Variants in TRAPPC11 observed in about 807,000 individuals in gnomAD.
TRAPPC11 encodes the protein trafficking protein particle complex subunit 11, also known as foie gras homolog.
Under a neutral mutation model 151.2 loss-of-function variants are expected in TRAPPC11, and 104 were observed. The observed-to-expected ratio is 0.69, with a 90% CI of 0.59 to 0.81. The LOEUF (loss-of-function observed/expected upper bound fraction) is 0.81. Among genes scored for constraint, TRAPPC11 ranks in the 30% least tolerant of loss-of-function variants. The pLI, the probability that TRAPPC11 is intolerant of heterozygous loss-of-function variation, is 0.00. For missense variants in TRAPPC11, 1,230 were observed against 1,349.6 expected (o/e 0.91, Z 1.39); for synonymous variants, 456 against 472.3 (o/e 0.97, Z 0.45).
At chr4:183,677,615 A>G in intron 8 of TRAPPC11, 61 bp downstream of exon 8, 1 of 954,452 alleles carries the variant, frequency 1.0e-6, no homozygotes. Context: ...ATCTTTTTAA[A>G]ATTTGAACAT....
intron 18 of TRAPPC11, among the ~76,000 whole-genome samples, chr4:183,690,316 A>G (rs1008033848): frequency 1.2e-4 from 18 of 152,188 alleles, no homozygotes; most frequent in African/African-American, 3.4e-4. Flanking sequence ...AAGAATTTCT[A>G]TGAAGGTAAT....
Position 183,706,793 on chromosome 4 carries a change from A to G in TRAPPC11, c.3056-14A>G. 6.2e-7 allele frequency: 1 copy of G among 1,606,006 alleles called. No homozygotes were observed. The highest frequency in any genetic ancestry group is 8.5e-7 in the Non-Finnish European group (1 of 1,175,032). ...TTTTTTAAACCAAGAGAAGTGTGTC[A>G]TCTTTCTCTGTAGATCTGCCGTCAT... On this transcript the variant is annotated splice_polypyrimidine_tract_variant and intron_variant, in intron 27 of 29. Coordinates refer to ENST00000334690, the MANE Select transcript of TRAPPC11 (RefSeq NM_021942.6).
intron 18 of TRAPPC11, among the ~76,000 whole-genome samples, chr4:183,687,051 C>T (rs1736013378): frequency 2.0e-5 from 3 of 152,012 alleles, no homozygotes; most frequent in Non-Finnish European, 4.4e-5. Flanking sequence ...TGTGGTGGCA[C>T]GTGCCTGTAG....
At chr4:183,703,333 A>G (rs939213713) in intron 26 of TRAPPC11, among the ~76,000 whole-genome samples, 1 of 152,232 alleles carries the variant, frequency 6.6e-6, no homozygotes, top group Non-Finnish European at 1.5e-5. Flanking sequence ...ACTTTTTAAG[A>G]ATGGAGAAAT....
Position 183,679,467 on chromosome 4 carries a change from G to C in TRAPPC11, c.946G>C (p.Asp316His). 3.1e-6 allele frequency: 5 copies of C among 1,610,392 alleles called. No homozygotes were observed. The highest frequency in any genetic ancestry group is 4.2e-6 in the Non-Finnish European group (5 of 1,178,602). Residue 316 changes from aspartate (D) to histidine (H), a missense_variant, in exon 9 of 30, where the codon GAT (aspartate) becomes CAT (histidine). By Grantham distance (81) the Asp-to-His change is moderately conservative. Transcript: ENST00000334690. ...AAGTGCAGAGCTGTCTTTTGAGCATGATGCATGGATGTCTAAACAGTATGT... is the reference window on the plus strand; with the variant it reads ...AAGTGCAGAGCTGTCTTTTGAGCATCATGCATGGATGTCTAAACAGTATGT... Reference protein sequence around the residue: ...IGSAELSFEHDAWMSKQFQAF... With the variant: ...IGSAELSFEHHAWMSKQFQAF...
At chr4:183,705,461 T>C (rs189229236) in intron 27 of TRAPPC11, among the ~76,000 whole-genome samples, 100 of 152,340 alleles carry the variant, frequency 6.6e-4, no homozygotes, top group African/African-American at 1.9e-3. Flanking sequence ...CTGCAACTGA[T>C]GGATAAGTCT....
chr4:183,684,170 A>G lies in TRAPPC11; in HGVS notation c.1313A>G (p.Asn438Ser). The G allele has an allele frequency of 1.9e-6, 3 of 1,614,022 alleles. No individual in the cohort carries two copies. The highest frequency in any genetic ancestry group is 1.1e-5 in the South Asian group (1 of 91,084). ...HSEIIITLLS[N>S]AVAQFKKYKC... is the part of the protein sequence containing the mutation. ...GAGATAATCATAACTCTTCTGAGCAATGCTGTTGCACAGTTCAAGAAGTAT... is the reference window on the plus strand; with the variant it reads ...GAGATAATCATAACTCTTCTGAGCAGTGCTGTTGCACAGTTCAAGAAGTAT... The change falls in exon 13 of 30, where the codon AAT (asparagine) becomes AGT (serine). Residue 438 changes from asparagine (N) to serine (S), a missense_variant. Asn to Ser is a conservative substitution (Grantham distance 46). Coordinates refer to ENST00000334690, the MANE Select transcript of TRAPPC11 (RefSeq NM_021942.6).
intron 2 of TRAPPC11, 23 bp downstream of exon 2, chr4:183,664,094 T>A: frequency 6.3e-7 from 1 of 1,578,020 alleles, no homozygotes; most frequent in African/African-American, 1.3e-5. Context: ...TGATGGCATG[T>A]GTTCTTTCCT....
At chr4:183,679,048 T>C (rs956289312) in intron 8 of TRAPPC11, among the ~76,000 whole-genome samples, 2 of 152,256 alleles carry the variant, frequency 1.3e-5, no homozygotes, top group African/African-American at 4.8e-5. Context: ...TAGTTTATTT[T>C]AGTCCATGTT....
At chr4:183,712,104 A>G (rs1234428850) in intron 29 of TRAPPC11, among the ~76,000 whole-genome samples, 1 of 152,180 alleles carries the variant, frequency 6.6e-6, no homozygotes, top group Non-Finnish European at 1.5e-5. Context: ...TTTCTCAAAC[A>G]GGAGATTGGG....
intron 2 of TRAPPC11, among the ~76,000 whole-genome samples, chr4:183,664,425 C>T: frequency 6.6e-6 from 1 of 152,100 alleles, no homozygotes; most frequent in East Asian, 1.9e-4. Context: ...TGCAATGTGG[C>T]TCAATTTCAC....
intron 29 of TRAPPC11, among the ~76,000 whole-genome samples, chr4:183,711,563 C>T (rs775134681): frequency 1.1e-4 from 16 of 152,248 alleles, no homozygotes; most frequent in Middle Eastern, 3.4e-3. Context: ...AATCAAGGAT[C>T]GGGAACCTAT....
At chr4:183,686,013 T>G (rs1311604540) in intron 17 of TRAPPC11, among the ~76,000 whole-genome samples, 2 of 152,180 alleles carry the variant, frequency 1.3e-5, no homozygotes, top group Non-Finnish European at 2.9e-5. Flanking sequence ...AATTTTTGTA[T>G]TTTTAGCAGA....
chr4:183,674,384 C>A (rs1735304410), intron 5 of TRAPPC11, among the ~76,000 whole-genome samples: 1 of 144,154 alleles, frequency 6.9e-6, no homozygotes, highest in African/African-American at 2.6e-5. Context: ...CGTCACTGCA[C>A]TCCAGCCTGG....
At chr4:183,661,101 A>C (rs1734489073) in intron 1 of TRAPPC11, among the ~76,000 whole-genome samples, 1 of 152,038 alleles carries the variant, frequency 6.6e-6, no homozygotes, top group African/African-American at 2.4e-5. Context: ...CTCATAACTT[A>C]ATCCTGTCCT....
At chr4:183,685,534 AT>A (rs1183777520) in intron 17 of TRAPPC11, 131 bp downstream of exon 17, 395 of 1,052,594 alleles carry the variant, frequency 3.8e-4, no homozygotes, top group South Asian at 5.3e-4. Flanking sequence ...AGATAAACTG[AT>A]TTTTTTTTGT....
At chr4:183,691,526 C>T (rs2111061220) in intron 19 of TRAPPC11, 55 bp downstream of exon 19, 2 of 1,091,380 alleles carry the variant, frequency 1.8e-6, no homozygotes, top group South Asian at 5.9e-5. Context: ...ATGTTTATAT[C>T]AATATTTTAA....
intron 18 of TRAPPC11, among the ~76,000 whole-genome samples, chr4:183,690,549 A>G (rs1334170108): frequency 1.2e-4 from 19 of 152,204 alleles, no homozygotes; most frequent in Admixed American, 1.2e-3. Context: ...GCTTGTAATT[A>G]AGGAAATAAG....
intron 1 of TRAPPC11, among the ~76,000 whole-genome samples, chr4:183,662,521 G>T (rs1255862467): frequency 6.6e-6 from 1 of 152,132 alleles, no homozygotes; most frequent in Admixed American, 6.6e-5. Context: ...AAAGGACGCA[G>T]TGGAAACATC....
Sources: gnomAD v4.1 joint callset for allele counts (sites outside exome capture counted in the v4.1 genomes callset) on GRCh38, gnomAD v4.1.1 for gene constraint, MANE v1.5 for transcripts, NCBI Gene and HGNC (gene_info 2026-07-23, HGNC 2026-07-21) for gene names.